Variants in KCNMA1 observed in about 807,000 individuals in gnomAD.
KCNMA1 encodes Calcium-activated potassium channel subunit alpha-1.
Under a neutral mutation model 140.0 loss-of-function variants are expected in KCNMA1, and 29 were observed. The ratio of observed to expected loss-of-function variants is 0.21; its 90% confidence interval spans 0.15 to 0.28. KCNMA1 has a LOEUF of 0.28. Ranked by LOEUF, KCNMA1 falls within the 10% of genes least tolerant of loss-of-function variation. The probability of loss-of-function intolerance (pLI) is 1.00; values close to 1 mark genes in which losing one functional copy is unlikely to be tolerated. For missense variants in KCNMA1, 880 were observed against 1,602.2 expected (o/e 0.55, Z 7.70); for synonymous variants, 612 against 611.9 (o/e 1.00, Z 0.00).
intron 5 of KCNMA1, among the ~76,000 whole-genome samples, chr10:77,136,054 A>G (rs2098015158): frequency 6.6e-6 from 1 of 152,240 alleles, no homozygotes; most frequent in South Asian, 2.1e-4. Context: ...TCTACAATGA[A>G]ATAGTCTTAT....
At chr10:77,370,724 G>T (rs1454773690) in intron 2 of KCNMA1, among the ~76,000 whole-genome samples, 2 of 152,194 alleles carry the variant, frequency 1.3e-5, no homozygotes, top group Non-Finnish European at 2.9e-5. Context: ...AGCATGTGGA[G>T]AGACTCAGCA....
rs564148888 is a variant in KCNMA1 at position 77,510,928 on chromosome 10, T to A, written c.379-106905A>T. ...TGGAAACACATGGAAATAACATATCTCCAACACATGGAGATAACGCCGATT... is the reference window on the plus strand; with the variant it reads ...TGGAAACACATGGAAATAACATATCACCAACACATGGAGATAACGCCGATT... On this transcript the variant is annotated intron_variant, in intron 1 of 27. Coordinates refer to ENST00000286628, the MANE Select transcript of KCNMA1 (RefSeq NM_001161352.2). 2.0e-5 allele frequency among the ~76,000 whole-genome samples: 3 copies of A among 152,292 alleles called. No individual in the cohort carries two copies. The South Asian group carries it at 6.2e-4, about 32-fold the overall frequency.
intron 2 of KCNMA1, among the ~76,000 whole-genome samples, chr10:77,255,469 G>A (rs1356234998): frequency 6.6e-6 from 1 of 151,998 alleles, no homozygotes; most frequent in African/African-American, 2.4e-5. Flanking sequence ...TTGTGGTGGT[G>A]CACACCTGTA....
chr10:77,082,378 A>G (rs915842815), intron 12 of KCNMA1, among the ~76,000 whole-genome samples: 13 of 151,996 alleles, frequency 8.6e-5, no homozygotes, highest in Admixed American at 2.0e-4. Context: ...CCTAGTACCT[A>G]TGTGTCTTCA....
intron 9 of KCNMA1, among the ~76,000 whole-genome samples, chr10:77,098,774 T>C (rs2097011349): frequency 6.6e-6 from 1 of 151,964 alleles, no homozygotes; most frequent in South Asian, 2.1e-4. Context: ...CCTTCCTTCC[T>C]CTCTGGAAGG....
chr10:77,117,037 T>A (rs1417122404), intron 6 of KCNMA1, among the ~76,000 whole-genome samples: 1 of 152,204 alleles, frequency 6.6e-6, no homozygotes, highest in Non-Finnish European at 1.5e-5. Context: ...TCTAAGTTCA[T>A]GTCAGTAGTA....
intron 1 of KCNMA1, among the ~76,000 whole-genome samples, chr10:77,465,577 A>G (rs1280315096): frequency 2.6e-5 from 4 of 152,156 alleles, no homozygotes; most frequent in African/African-American, 9.7e-5. Context: ...AATGGGGATA[A>G]TAACAATGCC....
At chr10:77,112,971 C>T (rs991099022) in intron 6 of KCNMA1, among the ~76,000 whole-genome samples, 15 of 152,176 alleles carry the variant, frequency 9.9e-5, no homozygotes, top group African/African-American at 3.4e-4. Flanking sequence ...AATACCATTG[C>T]ACGCCTCAGA....
chr10:77,120,332 T>C (rs916271745), intron 6 of KCNMA1, among the ~76,000 whole-genome samples: 1 of 149,650 alleles, frequency 6.7e-6, no homozygotes, highest in Non-Finnish European at 1.5e-5. Flanking sequence ...CCTGGTCCAG[T>C]TGTGTTTTCC....
chr10:77,283,753 T>G lies in KCNMA1; in HGVS notation c.541-32497A>C, dbSNP rs530238766. Among the ~76,000 whole-genome samples, 6 of 152,332 alleles carry G rather than the reference T, an allele frequency of 3.9e-5. No individual in the cohort carries two copies. The East Asian group carries it at 1.2e-3, about 29-fold the overall frequency. Reference sequence around the variant, plus strand: ...ACTGAGACAAAAAACAGATAGTAGCTGCTTTCAGGGAACTTAACAATGTCA... The same window carrying G: ...ACTGAGACAAAAAACAGATAGTAGCGGCTTTCAGGGAACTTAACAATGTCA... On this transcript the variant is annotated intron_variant, in intron 2 of 27. Coordinates refer to ENST00000286628, the MANE Select transcript of KCNMA1 (RefSeq NM_001161352.2).
chr10:77,036,611 A>G (rs532420848), intron 15 of KCNMA1, among the ~76,000 whole-genome samples: 3 of 152,278 alleles, frequency 2.0e-5, no homozygotes, highest in African/African-American at 7.2e-5. Flanking sequence ...ATATTCCCCA[A>G]TTCTTTTTCT....
At chr10:77,591,032 GC>G (rs1237545074) in intron 1 of KCNMA1, among the ~76,000 whole-genome samples, 2 of 152,178 alleles carry the variant, frequency 1.3e-5, no homozygotes, top group African/African-American at 4.8e-5. Context: ...CTCATATGGT[GC>G]CAGCAGACAG....
intron 9 of KCNMA1, among the ~76,000 whole-genome samples, chr10:77,098,986 C>T (rs1402159353): frequency 6.6e-6 from 1 of 152,084 alleles, no homozygotes; most frequent in Non-Finnish European, 1.5e-5. Flanking sequence ...CTAGATGGTT[C>T]TCTGCTCTTA....
chr10:77,400,021 C>T (rs1304707071), intron 2 of KCNMA1, among the ~76,000 whole-genome samples: 1 of 152,168 alleles, frequency 6.6e-6, no homozygotes, highest in East Asian at 1.9e-4. Context: ...GAGCGTGCAT[C>T]AAGGAAAACA....
chr10:77,487,674 G>A (rs779726509), intron 1 of KCNMA1, among the ~76,000 whole-genome samples: 6 of 152,084 alleles, frequency 3.9e-5, no homozygotes, highest in Admixed American at 6.5e-5. Context: ...CCAAAATTTC[G>A]TGCATGGGAC....
At chr10:77,225,078 T>C (rs1444037856) in intron 3 of KCNMA1, among the ~76,000 whole-genome samples, 1 of 152,126 alleles carries the variant, frequency 6.6e-6, no homozygotes, top group Non-Finnish European at 1.5e-5. Context: ...ATAAAGCGAA[T>C]CCAGTTGGCA....
At chr10:77,028,445 G>C (rs544394838) in intron 15 of KCNMA1, among the ~76,000 whole-genome samples, 1 of 151,932 alleles carries the variant, frequency 6.6e-6, no homozygotes, top group Admixed American at 6.6e-5. Context: ...TGGTGCTCTC[G>C]ACTGCAGAGC....
At chr10:77,439,640 T>C (rs1020604533) in intron 1 of KCNMA1, among the ~76,000 whole-genome samples, 2 of 152,234 alleles carry the variant, frequency 1.3e-5, no homozygotes, top group Non-Finnish European at 2.9e-5. Context: ...TCTCTGAAAG[T>C]GGCCAGGGGA....
exon 28 of KCNMA1, chr10:76,871,460 T>C (rs1564636820): frequency 6.6e-6 from 1 of 152,402 alleles, no homozygotes; most frequent in East Asian, 1.9e-4. Flanking sequence ...CTTCTACAAC[T>C]ATTACGATCT....
Sources: gnomAD v4.1 joint callset for allele counts (sites outside exome capture counted in the v4.1 genomes callset) on GRCh38, gnomAD v4.1.1 for gene constraint, MANE v1.5 for transcripts, NCBI Gene and HGNC (gene_info 2026-07-23, HGNC 2026-07-21) for gene names.